EEFSEC: variants seen among roughly 807,000 people sequenced by gnomAD.
The protein encoded by EEFSEC is selenocysteine-specific elongation factor.
EEFSEC carries 43 observed loss-of-function variants against 42.1 expected under a neutral mutation model. The ratio of observed to expected loss-of-function variants is 1.02; its 90% CI spans 0.80 to 1.32. The LOEUF is 1.32. Ranked by LOEUF, EEFSEC falls within the 40% of genes most tolerant of loss-of-function variation. EEFSEC has a pLI of 0.00. For missense variants in EEFSEC, 745 were observed against 803.6 expected (o/e 0.93, Z 0.88); for synonymous variants, 354 against 339.1 (o/e 1.04, Z -0.48).
At chr3:128,276,946 G>A (rs139242364) in intron 4 of EEFSEC, among the ~76,000 whole-genome samples, 20 of 152,354 alleles carry the variant, frequency 1.3e-4, no homozygotes, top group African/African-American at 4.8e-4. Flanking sequence ...CAGCAGGGCT[G>A]GAGGCCAGGG....
At chr3:128,279,150 G>A (rs1419323541) in intron 4 of EEFSEC, among the ~76,000 whole-genome samples, 7 of 152,202 alleles carry the variant, frequency 4.6e-5, no homozygotes, top group African/African-American at 1.2e-4. Flanking sequence ...ATACGGCGGC[G>A]GCGTTGGGCA....
intron 4 of EEFSEC, among the ~76,000 whole-genome samples, chr3:128,300,318 T>A (rs558143132): frequency 6.6e-6 from 1 of 152,334 alleles, no homozygotes; most frequent in East Asian, 1.9e-4. Flanking sequence ...AAAAAGCCAA[T>A]GCGGGCCAGG....
intron 1 of EEFSEC, among the ~76,000 whole-genome samples, chr3:128,208,952 T>G (rs185443236): frequency 6.6e-6 from 1 of 152,316 alleles, no homozygotes; most frequent in African/African-American, 2.4e-5. Context: ...AGAGAACAAC[T>G]GATTCTATGT....
intron 1 of EEFSEC, among the ~76,000 whole-genome samples, chr3:128,178,652 A>G (rs2065375375): frequency 6.6e-6 from 1 of 152,172 alleles, no homozygotes; most frequent in Admixed American, 6.5e-5. Context: ...AAAAATTCAT[A>G]CTGAATCTTT....
intron 4 of EEFSEC, among the ~76,000 whole-genome samples, chr3:128,288,858 G>A (rs932882799): frequency 6.6e-6 from 1 of 152,182 alleles, no homozygotes; most frequent in African/African-American, 2.4e-5. Context: ...AGTTATTTTT[G>A]GTCAAGGCAT....
chr3:128,309,118 C>G (rs113617622), intron 4 of EEFSEC, among the ~76,000 whole-genome samples: 1 of 152,130 alleles, frequency 6.6e-6, no homozygotes, highest in Non-Finnish European at 1.5e-5. Flanking sequence ...TATTTGTTCA[C>G]GAGAGGGTGA....
intron 4 of EEFSEC, among the ~76,000 whole-genome samples, chr3:128,276,719 G>A (rs980654888): frequency 6.6e-6 from 1 of 152,286 alleles, no homozygotes; most frequent in South Asian, 2.1e-4. Context: ...ACCAGTAGGG[G>A]TATGAGTTGG....
chr3:128,189,160 C>A (rs2065495556), intron 1 of EEFSEC, among the ~76,000 whole-genome samples: 2 of 152,240 alleles, frequency 1.3e-5, no homozygotes, highest in Admixed American at 6.5e-5. Flanking sequence ...CCGTGGGCAG[C>A]CCCTCTGGCC....
At chr3:128,350,545 C>T (rs1460022950) in intron 5 of EEFSEC, among the ~76,000 whole-genome samples, 1 of 152,254 alleles carries the variant, frequency 6.6e-6, no homozygotes, top group Non-Finnish European at 1.5e-5. Flanking sequence ...CCCTGGTATT[C>T]TGGTCCCAGC....
At chr3:128,168,486 G>T (rs938690204) in intron 1 of EEFSEC, among the ~76,000 whole-genome samples, 5 of 152,206 alleles carry the variant, frequency 3.3e-5, no homozygotes, top group African/African-American at 1.2e-4. Flanking sequence ...AGAGAGGAAG[G>T]CTCCCTGAGG....
At chr3:128,400,585 G>C (rs561246099) in intron 6 of EEFSEC, among the ~76,000 whole-genome samples, 1 of 152,356 alleles carries the variant, frequency 6.6e-6, no homozygotes, top group South Asian at 2.1e-4. Flanking sequence ...GGAGTGACTA[G>C]AGCGGCCCCA....
intron 4 of EEFSEC, among the ~76,000 whole-genome samples, chr3:128,300,464 G>A (rs1576620009): frequency 1.4e-5 from 2 of 143,578 alleles, no homozygotes; most frequent in Middle Eastern, 3.8e-3. Context: ...GTGGTGGCAC[G>A]CACCTGTAGT....
intron 4 of EEFSEC, among the ~76,000 whole-genome samples, chr3:128,335,105 G>A (rs1259545268): frequency 6.6e-6 from 1 of 152,234 alleles, no homozygotes; most frequent in Non-Finnish European, 1.5e-5. Flanking sequence ...CCCAAAAGAG[G>A]GCCCATGTGG....
chr3:128,182,882 GC>G (rs1553739645), intron 1 of EEFSEC, among the ~76,000 whole-genome samples: 18,200 of 110,586 alleles, frequency 0.16, 1,562 homozygotes, highest in Middle Eastern at 0.22. Flanking sequence ...AGAGATCGGG[GC>G]GGGGGGGTGG....
At chr3:128,300,454 G>A (rs922325950) in intron 4 of EEFSEC, among the ~76,000 whole-genome samples, 4 of 151,392 alleles carry the variant, frequency 2.6e-5, no homozygotes, top group East Asian at 1.9e-4. Flanking sequence ...TTAGCTAGGC[G>A]TGGTGGCACG....
chr3:128,265,877 C>G (rs1490173625), intron 4 of EEFSEC, among the ~76,000 whole-genome samples: 1 of 152,160 alleles, frequency 6.6e-6, no homozygotes, highest in Non-Finnish European at 1.5e-5. Flanking sequence ...ATATCTGTAT[C>G]TCCTATTAGT....
intron 4 of EEFSEC, among the ~76,000 whole-genome samples, chr3:128,272,291 C>T (rs1283495452): frequency 1.3e-5 from 2 of 152,230 alleles, no homozygotes; most frequent in Admixed American, 1.3e-4. Flanking sequence ...CCCCTGGCAG[C>T]GGCTTGTTAC....
At chr3:128,170,035 T>C (rs576722100) in intron 1 of EEFSEC, among the ~76,000 whole-genome samples, 36 of 152,326 alleles carry the variant, frequency 2.4e-4, no homozygotes, top group Admixed American at 8.5e-4. Context: ...TCTTGATCTG[T>C]GCCTGGAAGT....
rs146775801 is a variant in EEFSEC, at chr3:128,306,327, C to G, written c.787-34906C>G. Among the ~76,000 whole-genome samples the G allele has an allele frequency of 1.2e-3, 181 of 152,226 alleles. 8 individuals carry two copies. In the South Asian group the frequency reaches 0.032, roughly 27 times the overall value. ...TATAAATTGTTTGTTTTTGCATTGC[C>G]TACAATTTGTGCTTTACAAATTTTG... On this transcript the variant is annotated intron_variant, in intron 4 of 6. Coordinates refer to ENST00000254730, the MANE Select transcript of EEFSEC (RefSeq NM_021937.5).
Sources: allele counts gnomAD v4.1 joint callset (sites outside exome capture counted in the v4.1 genomes callset), GRCh38; gene constraint gnomAD v4.1.1; transcripts MANE v1.5; gene names NCBI Gene and HGNC (gene_info 2026-07-23, HGNC 2026-07-21).